Variants in ABHD12 observed in about 807,000 individuals in gnomAD.
The protein encoded by ABHD12 is lysophosphatidylserine lipase ABHD12.
A neutral mutation model predicts 58.3 loss-of-function variants in ABHD12; 43 were observed. The ratio of observed to expected loss-of-function variants is 0.74; its 90% CI spans 0.58 to 0.95. The LOEUF is 0.95. Among genes scored for constraint, ABHD12 ranks in the 40% least tolerant of loss-of-function variants. The pLI is 0.00. For missense variants in ABHD12, 539 were observed against 537.2 expected (o/e 1.00, Z -0.03); for synonymous variants, 219 against 211.2 (o/e 1.04, Z -0.32).
At chr20:25,314,135 G>C (rs2088916779) in intron 6 of ABHD12, among the ~76,000 whole-genome samples, 2 of 151,998 alleles carry the variant, frequency 1.3e-5, no homozygotes, top group Admixed American at 6.6e-5. Context: ...ATTACGCCCG[G>C]TTAATTTTTG....
chr20:25,317,457 G>A (rs980650998), intron 4 of ABHD12, among the ~76,000 whole-genome samples: 7 of 152,196 alleles, frequency 4.6e-5, no homozygotes, highest in African/African-American at 1.4e-4. Flanking sequence ...CCGTATGGGC[G>A]ACTTCTGCCC....
At chr20:25,363,834 C>T (rs2089785401) in intron 1 of ABHD12, among the ~76,000 whole-genome samples, 1 of 151,998 alleles carries the variant, frequency 6.6e-6, no homozygotes, top group Non-Finnish European at 1.5e-5. Context: ...CATTGCACTC[C>T]AGCCTGGGCA....
intron 1 of ABHD12, among the ~76,000 whole-genome samples, chr20:25,388,870 TCTTGGCTCACCGCAA>T (rs2090131635): frequency 6.8e-6 from 1 of 147,920 alleles, no homozygotes; most frequent in South Asian, 2.1e-4. Context: ...TTCGGCGAGA[TCTTGGCTCACCGCAA>T]CCTCCGCCTC....
At chr20:25,306,936 A>G (rs2088754600) in intron 9 of ABHD12, 21 bp from the exon 10 acceptor site, 1 of 1,564,416 alleles carries the variant, frequency 6.4e-7, no homozygotes, top group African/African-American at 1.4e-5. Flanking sequence ...GATGGAAACC[A>G]TTTTCAGAAG....
At chr20:25,361,109 G>A (rs1004744751) in intron 1 of ABHD12, among the ~76,000 whole-genome samples, 2 of 152,192 alleles carry the variant, frequency 1.3e-5, no homozygotes, top group African/African-American at 2.4e-5. Flanking sequence ...GCAATCCCAC[G>A]CTAAGCGGCT....
In ABHD12 at chr20:25,332,435, T is replaced by A. The variant is rs958033688; in HGVS notation, c.316+6792A>T. Among the ~76,000 whole-genome samples the A allele has an allele frequency of 1.8e-3, 268 of 149,400 alleles. 1 individual carries two copies. The highest frequency in any genetic ancestry group is 6.3e-3 in the African/African-American group (260 of 41,042). ...CAACAAGGATACCCAGGAATTGAAC[T>A]CAGCTCTGCACCAAGAAGACCTAAT... On this transcript the variant is annotated intron_variant, in intron 2 of 12. Transcript: ENST00000339157.
At chr20:25,301,563 G>A (rs550212311) in intron 12 of ABHD12, among the ~76,000 whole-genome samples, 2 of 152,378 alleles carry the variant, frequency 1.3e-5, no homozygotes, top group African/African-American at 2.4e-5. Flanking sequence ...CTTGCCCAAG[G>A]CCACACAGCC....
At chr20:25,332,019 T>G (rs2089285036) in intron 2 of ABHD12, among the ~76,000 whole-genome samples, 1 of 152,056 alleles carries the variant, frequency 6.6e-6, no homozygotes, top group Non-Finnish European at 1.5e-5. Flanking sequence ...GCAAATTGGA[T>G]AAAGAGTCAA....
chr20:25,319,557 C>T (rs1240211732), intron 4 of ABHD12, among the ~76,000 whole-genome samples: 1 of 152,200 alleles, frequency 6.6e-6, no homozygotes, highest in East Asian at 1.9e-4. Flanking sequence ...GCTCCGGCTT[C>T]ACCTGTCTGC....
Position 25,323,327 on chromosome 20 carries a change from G to A in ABHD12, c.420C>T (p.Val140=). Residue 140 remains valine, a splice_region_variant and synonymous_variant, in exon 3 of 13, where the codon GTC becomes GTT. Transcript: ENST00000339157. The part of the protein sequence containing the change: ...LQPEEDVTIG[V]WHTVPAVWWK... Reference sequence around the variant, plus strand: ...CTGCAGAGCTCACTGGCACTCACCAGACTCCAATGGTCACGTCTTCCTCTG... The same window carrying A: ...CTGCAGAGCTCACTGGCACTCACCAAACTCCAATGGTCACGTCTTCCTCTG... 1.2e-6 allele frequency: 2 copies of A among 1,609,794 alleles called. No homozygotes were observed. The highest frequency in any genetic ancestry group is 1.1e-5 in the South Asian group (1 of 90,996).
chr20:25,340,213 C>A (rs959466063), intron 1 of ABHD12, among the ~76,000 whole-genome samples: 4 of 152,086 alleles, frequency 2.6e-5, no homozygotes, highest in Non-Finnish European at 5.9e-5. Flanking sequence ...TTAAAAATGT[C>A]TATTAATTCA....
chr20:25,345,627 G>A (rs1030169786), intron 1 of ABHD12, among the ~76,000 whole-genome samples: 5 of 152,072 alleles, frequency 3.3e-5, no homozygotes, highest in Admixed American at 6.5e-5. Context: ...ATTTTAAAAG[G>A]AGCAAAGGAC....
intron 4 of ABHD12, 27 bp from the exon 5 acceptor site, chr20:25,317,105 G>A: frequency 6.3e-7 from 1 of 1,598,574 alleles, no homozygotes; most frequent in Non-Finnish European, 8.6e-7. Flanking sequence ...GACATGGTGT[G>A]AGCACATCTT....
intron 4 of ABHD12, among the ~76,000 whole-genome samples, chr20:25,318,470 G>A (rs929580018): frequency 6.6e-6 from 1 of 152,188 alleles, no homozygotes; most frequent in East Asian, 1.9e-4. Context: ...AATCCAGGGG[G>A]TCTGGACCTC....
At position 25,323,361 on chromosome 20, in the gene ABHD12, T is replaced by C. The variant is rs753503904; in HGVS notation, c.386A>G (p.Tyr129Cys). Residue 129 changes from tyrosine to cysteine, a missense_variant, in exon 3 of 13, where the codon TAC (tyrosine) becomes TGC (cysteine). Coordinates refer to ENST00000339157, the MANE Select transcript of ABHD12 (RefSeq NM_001042472.3). ...DQGLNHTCNYYLQPEEDVTIG... is the reference protein window; with the variant it reads ...DQGLNHTCNYCLQPEEDVTIG... ...GGTCACGTCTTCCTCTGGCTGCAGG[T>C]AGTAGTTACACGTGTGATTCAAACC... 8.1e-6 allele frequency: 13 copies of C among 1,613,874 alleles called. No homozygotes were observed. Among genetic ancestry groups the C allele is most frequent in the Admixed American group, 6.7e-5 (4 of 59,996 alleles).
In ABHD12 at chr20:25,390,502, C is replaced by T; in HGVS notation, c.191+11G>A. On this transcript the variant is annotated intron_variant, in intron 1 of 12. Coordinates refer to ENST00000339157, the MANE Select transcript of ABHD12 (RefSeq NM_001042472.3). ...GCCCCCCCCCCCCCCCCGCTCCGCGCGAAGCCTCACCTGCCCAGCGCCCGC... is the reference window on the plus strand; with the variant it reads ...GCCCCCCCCCCCCCCCCGCTCCGCGTGAAGCCTCACCTGCCCAGCGCCCGC... 7.3e-7 allele frequency: 1 copy of T among 1,370,322 alleles called. No homozygotes were observed. Among genetic ancestry groups the T allele is most frequent in the Non-Finnish European group, 9.5e-7 (1 of 1,054,576 alleles). 84.9% of individuals were successfully genotyped at this position (1,370,322 alleles called of 1,614,324 possible).
At chr20:25,323,539 A>G in intron 2 of ABHD12, 109 bp from the exon 3 acceptor site, 4 of 729,668 alleles carry the variant, frequency 5.5e-6, no homozygotes, top group Non-Finnish European at 1.0e-5. Context: ...CCACACGTGC[A>G]CACACACACA....
In ABHD12 at chr20:25,351,129, A is replaced by C. The variant is rs578040904; in HGVS notation, c.192-11778T>G. ...TGATCTGTCTATTGTCATTTAATTC[A>C]CAGTCCCCCTAACAATTTGGATCTA... On this transcript the variant is annotated intron_variant, in intron 1 of 12. Coordinates refer to ENST00000339157, the MANE Select transcript of ABHD12 (RefSeq NM_001042472.3). Among the ~76,000 whole-genome samples the C allele has an allele frequency of 2.0e-5, 3 of 152,254 alleles. No homozygotes were observed. The South Asian group carries it at 6.2e-4, about 32-fold the overall frequency.
At position 25,334,063 on chromosome 20, in the gene ABHD12, T is replaced by C. The variant is rs1473216361; in HGVS notation, c.316+5164A>G. Among the ~76,000 whole-genome samples the C allele has an allele frequency of 5.3e-5, 8 of 152,054 alleles. No homozygotes were observed. In the South Asian group the frequency reaches 1.7e-3, roughly 32 times the overall value. On this transcript the variant is annotated intron_variant, in intron 2 of 12. Transcript: ENST00000339157. ...TGATGGTATATCTAGAAAACCCCAT[T>C]GTCTCAGCCCAAAATCTCCTTAAGC...
Sources: gnomAD v4.1 joint callset for allele counts (sites outside exome capture counted in the v4.1 genomes callset) on GRCh38, gnomAD v4.1.1 for gene constraint, MANE v1.5 for transcripts, NCBI Gene and HGNC (gene_info 2026-07-23, HGNC 2026-07-21) for gene names.